The following RB1 variants were observed in gnomAD, a reference collection of about 807,000 sequenced individuals.
RB1 encodes the protein RB transcriptional corepressor 1, also known as retinoblastoma-associated protein.
In RB1, 18 loss-of-function variants were observed where a neutral mutation model predicts 135.4. The observed-to-expected ratio is 0.13, with a 90% CI of 0.09 to 0.20. The LOEUF is 0.20. Ranked by LOEUF, RB1 falls within the 10% of genes least tolerant of loss-of-function variation. RB1 has a pLI of 1.00. For missense variants in RB1, 868 were observed against 1,110.0 expected (o/e 0.78, Z 3.10); for synonymous variants, 365 against 373.2 (o/e 0.98, Z 0.25).
At chr13:48,438,390 A>G (rs1949204706) in intron 17 of RB1, among the ~76,000 whole-genome samples, 1 of 152,072 alleles carries the variant, frequency 6.6e-6, no homozygotes, top group South Asian at 2.1e-4. Flanking sequence ...TACTTAAAAT[A>G]ATTTGTTCTT....
chr13:48,330,842 C>T (rs903091074), intron 2 of RB1, among the ~76,000 whole-genome samples: 26 of 152,092 alleles, frequency 1.7e-4, no homozygotes, highest in Admixed American at 1.6e-3. Flanking sequence ...GCAAGGGTAT[C>T]ACAAGAAAAG....
At chr13:48,329,841 A>G (rs901412375) in intron 2 of RB1, among the ~76,000 whole-genome samples, 3 of 152,184 alleles carry the variant, frequency 2.0e-5, no homozygotes, top group Non-Finnish European at 2.9e-5. Context: ...TGTCCTTCAG[A>G]AACACCAATT....
chr13:48,402,773 G>A (rs1299211229), intron 17 of RB1, among the ~76,000 whole-genome samples: 2 of 152,016 alleles, frequency 1.3e-5, no homozygotes, highest in Non-Finnish European at 2.9e-5. Context: ...ATTGAATCAT[G>A]TGTGTTTCAG....
chr13:48,433,575 A>G (rs1391165838), intron 17 of RB1, among the ~76,000 whole-genome samples: 2 of 152,170 alleles, frequency 1.3e-5, no homozygotes, highest in East Asian at 1.9e-4. Context: ...ACTGTATTTA[A>G]ATGAAACCAT....
Position 48,335,061 on chromosome 13 carries a change from G to A in RB1, c.265-7538G>A, listed in dbSNP as rs181980758. The stretch of plus-strand genomic sequence containing the variant: ...TGAAAACTGTTCGTAATCCTACCAT[G>A]TAGAGATAATCGTGAACATTTTAAT... On this transcript the variant is annotated intron_variant, in intron 2 of 26. Transcript: ENST00000267163. Among the ~76,000 whole-genome samples, 202 of 152,214 alleles carry A rather than the reference G, an allele frequency of 1.3e-3. 1 individual carries two copies. Among genetic ancestry groups the A allele is most frequent in the African/African-American group, 4.5e-3 (185 of 41,560 alleles).
At chr13:48,403,014 C>T (rs542467403) in intron 17 of RB1, among the ~76,000 whole-genome samples, 2 of 152,000 alleles carry the variant, frequency 1.3e-5, no homozygotes, top group East Asian at 3.9e-4. Context: ...ACCTATGATT[C>T]ATAGGTTTTA....
intron 2 of RB1, among the ~76,000 whole-genome samples, chr13:48,337,746 C>T (rs530632205): frequency 1.1e-4 from 17 of 152,234 alleles, no homozygotes; most frequent in East Asian, 3.9e-4. Context: ...TGATTTTGCT[C>T]GTTAGTTGAT....
chr13:48,334,727 TG>T (rs1396076765), intron 2 of RB1, among the ~76,000 whole-genome samples: 1 of 152,194 alleles, frequency 6.6e-6, no homozygotes, highest in African/African-American at 2.4e-5. Flanking sequence ...CACCACTTGG[TG>T]GAGCTCTTTT....
intron 6 of RB1, among the ~76,000 whole-genome samples, chr13:48,357,301 CAT>C (rs1336655627): frequency 6.6e-6 from 1 of 151,818 alleles, no homozygotes; most frequent in Non-Finnish European, 1.5e-5. Context: ...CTTTTTCTTA[CAT>C]ATTGGCTGTT....
chr13:48,459,059 A>G (rs1949379429), intron 19 of RB1, among the ~76,000 whole-genome samples: 1 of 152,184 alleles, frequency 6.6e-6, no homozygotes, highest in Non-Finnish European at 1.5e-5. Flanking sequence ...TATTAATAGA[A>G]TTGAAACAAA....
rs967561459 is a variant in RB1 at position 48,379,669 on chromosome 13, A to T, written c.1389+19A>T. On this transcript the variant is annotated intron_variant, in intron 14 of 26. Coordinates refer to ENST00000267163, the MANE Select transcript of RB1 (RefSeq NM_000321.3). ...TAAATCAGTAAGTTAAAAACAATAT[A>T]AAAAAATTTCAGCCGGGCGCGGTGG... 3.7e-6 allele frequency: 6 copies of T among 1,606,928 alleles called. No individual in the cohort carries two copies. The African/African-American group carries it at 8.0e-5, about 22-fold the overall frequency.
At chr13:48,405,591 G>T (rs968677745) in intron 17 of RB1, among the ~76,000 whole-genome samples, 1 of 152,162 alleles carries the variant, frequency 6.6e-6, no homozygotes, top group Non-Finnish European at 1.5e-5. Context: ...CTTTTGCACT[G>T]CAGTACAGAG....
intron 17 of RB1, chr13:48,411,339 A>T (rs752390313): frequency 7.1e-7 from 1 of 1,417,540 alleles, no homozygotes; most frequent in South Asian, 1.2e-5. Flanking sequence ...CACTTTTCAC[A>T]GTTGAAGGAA....
intron 2 of RB1, among the ~76,000 whole-genome samples, chr13:48,310,995 G>C (rs1593416487): frequency 6.6e-6 from 1 of 152,148 alleles, no homozygotes; most frequent in East Asian, 1.9e-4. Flanking sequence ...GACTTAAGGT[G>C]AATCAGCTGT....
intron 2 of RB1, among the ~76,000 whole-genome samples, chr13:48,336,534 C>T (rs61975697): frequency 6.6e-6 from 1 of 151,738 alleles, no homozygotes; most frequent in South Asian, 2.1e-4. Flanking sequence ...TGGTGATATC[C>T]CCTTTATCAT....
At chr13:48,450,639 A>T (rs1309689925) in intron 17 of RB1, among the ~76,000 whole-genome samples, 5 of 152,050 alleles carry the variant, frequency 3.3e-5, no homozygotes, top group Non-Finnish European at 2.9e-5. Context: ...TGTCTTGGAT[A>T]TTTGCGCTCT....
At chr13:48,314,626 C>A (rs1273016715) in intron 2 of RB1, among the ~76,000 whole-genome samples, 2 of 151,302 alleles carry the variant, frequency 1.3e-5, no homozygotes, top group Non-Finnish European at 2.9e-5. Context: ...ATGGTGAAAC[C>A]CTGTCTCTAC....
chr13:48,428,785 A>G (rs1422391677), intron 17 of RB1, among the ~76,000 whole-genome samples: 2 of 152,248 alleles, frequency 1.3e-5, no homozygotes, highest in African/African-American at 2.4e-5. Context: ...ATACAAAAGC[A>G]GGAAATATCT....
chr13:48,318,665 G>A, intron 2 of RB1: 2 of 609,588 alleles, frequency 3.3e-6, no homozygotes, highest in Non-Finnish European at 3.0e-6. Context: ...GCGTTTTCTT[G>A]GGCGTGGACG....
Sources: allele counts gnomAD v4.1 joint callset (sites outside exome capture counted in the v4.1 genomes callset), GRCh38; gene constraint gnomAD v4.1.1; transcripts MANE v1.5; gene names NCBI Gene and HGNC (gene_info 2026-07-23, HGNC 2026-07-21).